Variants in STAT2 observed in about 807,000 individuals in gnomAD.
The protein encoded by STAT2 is interferon alpha induced transcriptional activator.
Under a neutral mutation model 122.3 loss-of-function variants are expected in STAT2, and 51 were observed. The ratio of observed to expected loss-of-function variants is 0.42; its 90% CI spans 0.33 to 0.53. The LOEUF (loss-of-function observed/expected upper bound fraction) is 0.53, where lower values mean the gene tolerates loss of function less well. Ranked by LOEUF, STAT2 falls within the 20% of genes least tolerant of loss-of-function variation. STAT2 has a pLI of 0.10. For synonymous variants in STAT2, 351 were observed against 394.9 expected (o/e 0.89, Z 1.32); for missense variants, 736 against 1,010.3 (o/e 0.73, Z 3.68).
chr12:56,349,920 G>A, intron 13 of STAT2, 177 bp downstream of exon 13: 2 of 664,898 alleles, frequency 3.0e-6, no homozygotes, highest in Non-Finnish European at 5.2e-6. Context: ...ATGGTGGTGT[G>A]TGCCTATAGT....
rs1324271869 is a variant in STAT2 at position 56,350,849 on chromosome 12, A to G, written c.1074T>C (p.Thr358=). Reference sequence around the variant, plus strand: ...TTTACCTGTCAATGGAGACTTCCACAGTCAGTGACTCATTGCCTTCCTGGA... The same window carrying G: ...TTTACCTGTCAATGGAGACTTCCACGGTCAGTGACTCATTGCCTTCCTGGA... ...VRLQEGNESL[T]VEVSIDRNPP... Residue 358 remains threonine, a synonymous_variant, in exon 11 of 24, where the codon ACT becomes ACC. Coordinates refer to ENST00000314128, the MANE Select transcript of STAT2 (RefSeq NM_005419.4). 5 of 1,614,128 alleles carry G rather than the reference A, an allele frequency of 3.1e-6. No homozygotes were observed. The highest frequency in any genetic ancestry group is 4.2e-6 in the Non-Finnish European group (5 of 1,180,034).
Position 56,356,065 on chromosome 12 carries a change from C to T in STAT2, c.285+67G>A. 4 of 1,571,258 alleles carry T rather than the reference C, an allele frequency of 2.5e-6. No individual in the cohort carries two copies. In the South Asian group the frequency reaches 4.8e-5, roughly 19 times the overall value. ...TTCCACCTCCAGGTACTATTCTATT[C>T]TCCAAACCTTACTCCTCTATGCTCA... is the stretch of plus-strand genomic sequence containing the variant. On this transcript the variant is annotated intron_variant, in intron 3 of 23. Transcript: ENST00000314128.
intron 1 of STAT2, 28 bp from the exon 2 acceptor site, chr12:56,356,606 T>C (rs370681783): frequency 9.3e-6 from 15 of 1,610,660 alleles, no homozygotes; most frequent in Middle Eastern, 3.3e-4. Flanking sequence ...GGGTTCCCAA[T>C]TGGATATTTT....
chr12:56,359,766 TA>T (rs1565663458), intron 1 of STAT2, among the ~76,000 whole-genome samples: 1 of 152,138 alleles, frequency 6.6e-6, no homozygotes, highest in East Asian at 1.9e-4. Context: ...TTGGTGAAGA[TA>T]AAAAATAATG....
chr12:56,350,372 C>G (rs1364377954), intron 12 of STAT2, 40 bp downstream of exon 12: 1 of 1,587,714 alleles, frequency 6.3e-7, no homozygotes, highest in Admixed American at 1.8e-5. Context: ...GCAGGTCATA[C>G]ACTGTACAGA....
intron 21 of STAT2, 81 bp from the exon 22 acceptor site, chr12:56,346,284 T>C: frequency 4.4e-6 from 7 of 1,582,312 alleles, no homozygotes; most frequent in Non-Finnish European, 6.1e-6. Context: ...CAGATGGTCC[T>C]GGCAGTCTCA....
At chr12:56,347,297 T>C (rs1304730507) in intron 19 of STAT2, among the ~76,000 whole-genome samples, 1 of 151,336 alleles carries the variant, frequency 6.6e-6, no homozygotes, top group Admixed American at 6.6e-5. Flanking sequence ...CAAGCAATCT[T>C]CCCACCTCTC....
At position 56,348,924 on chromosome 12, in the gene STAT2, C is replaced by G. The variant is rs571666221; in HGVS notation, c.1576G>C (p.Gly526Arg). The G allele has an allele frequency of 6.2e-7, 1 of 1,613,168 alleles. No homozygotes were observed. Among genetic ancestry groups the G allele is most frequent in the Non-Finnish European group, 8.5e-7 (1 of 1,179,504 alleles). ...QLSMLRNKLF[G>R]QNCRTEDPLL... ...GGCTGAGAGAAAAGGAAATCTGTAC[C>G]GAACAGCTTGTTTCTCAGCATGCTC... Residue 526 changes from glycine (G) to arginine (R), a missense_variant and splice_region_variant, in exon 17 of 24, where the codon GGG becomes CGG. Gly to Arg is a moderately radical substitution (Grantham distance 125). Transcript: ENST00000314128.
chr12:56,355,023 T>C (rs1421935674), intron 6 of STAT2, 160 bp from the exon 7 acceptor site: 2 of 776,620 alleles, frequency 2.6e-6, no homozygotes, highest in African/African-American at 3.5e-5. Flanking sequence ...TGAATGGTCA[T>C]GCTTGGACCA....
rs138136918 is a variant in STAT2, at chr12:56,346,917, C to T, written c.1763G>A (p.Arg588Gln). The T allele has an allele frequency of 2.5e-5, 41 of 1,614,058 alleles. No individual in the cohort carries two copies. Among genetic ancestry groups the T allele is most frequent in the African/African-American group, 4.0e-5 (3 of 74,934 alleles). ...MGFVSRSQER[R>Q]LLKKTMSGTF... ...GCCAGACATGGTCTTCTTCAGCAGC[C>T]GGCGCTCCTGGCTCCGACTCACAAA... The change falls in exon 20 of 24, where the codon CGG becomes CAG. Residue 588 changes from arginine (R) to glutamine (Q), a missense_variant. Coordinates refer to ENST00000314128, the MANE Select transcript of STAT2 (RefSeq NM_005419.4).
At chr12:56,349,121 C>A (rs767648152) in intron 16 of STAT2, 42 bp downstream of exon 16, 1 of 1,613,998 alleles carries the variant, frequency 6.2e-7, no homozygotes, top group African/African-American at 1.3e-5. Context: ...AGCTTCCACA[C>A]CCCTCCTCTC....
chr12:56,356,425 T>A lies in STAT2; in HGVS notation c.131+16A>T. On this transcript the variant is annotated intron_variant, in intron 2 of 23. Coordinates refer to ENST00000314128, the MANE Select transcript of STAT2 (RefSeq NM_005419.4). ...GAACCACCTTTTTCATTCCCCCAAC[T>A]TCCTGAAGGCCTCACCAGTTCTGGT... is the stretch of plus-strand genomic sequence containing the variant. The A allele has an allele frequency of 6.2e-7, 1 of 1,612,148 alleles. No individual in the cohort carries two copies. The highest frequency in any genetic ancestry group is 8.5e-7 in the Non-Finnish European group (1 of 1,179,058).
chr12:56,346,150 T>G lies in STAT2; in HGVS notation c.2098A>C (p.Asn700His). 6.2e-7 allele frequency: 1 copy of G among 1,614,180 alleles called. No homozygotes were observed. Among genetic ancestry groups the G allele is most frequent in the Non-Finnish European group, 8.5e-7 (1 of 1,180,022 alleles). The change falls in exon 22 of 24, where the codon AAT becomes CAT. Residue 700 changes from asparagine to histidine, a missense_variant. By Grantham distance (68) the Asn-to-His change is moderately conservative. Coordinates refer to ENST00000314128, the MANE Select transcript of STAT2 (RefSeq NM_005419.4). ...YLKHRLIVVS[N>H]RQVDELQQPL... ...AATGAAGAGTTCATATCTCACCTAT[T>G]AGAGACCACAATGAGCCTGTGTTTC...
intron 8 of STAT2, among the ~76,000 whole-genome samples, chr12:56,353,825 C>T (rs1446593235): frequency 6.7e-6 from 1 of 150,016 alleles, no homozygotes; most frequent in African/African-American, 2.4e-5. Flanking sequence ...GAAACATCGT[C>T]TCTACTAAAA....
At chr12:56,354,368 A>G in intron 8 of STAT2, 98 bp downstream of exon 8, 1 of 1,559,698 alleles carries the variant, frequency 6.4e-7, no homozygotes, top group African/African-American at 1.4e-5. Flanking sequence ...TGGGGAGCAG[A>G]GACAAATAGA....
intron 5 of STAT2, 28 bp from the exon 6 acceptor site, chr12:56,355,379 G>T: frequency 6.2e-7 from 1 of 1,614,072 alleles, no homozygotes; most frequent in Non-Finnish European, 8.5e-7. Flanking sequence ...CCCCGATGAG[G>T]CTGCTTCTCA....
chr12:56,343,222 T>C lies in STAT2; in HGVS notation c.*167A>G. The C allele has an allele frequency of 2.3e-6, 2 of 851,260 alleles. No individual in the cohort carries two copies. The highest frequency in any genetic ancestry group is 3.6e-6 in the Non-Finnish European group (2 of 561,818). The allele number at this position is 851,260 out of a possible 1,614,324, so 52.7% of individuals were successfully genotyped here. ...TTCATTGTTGTCCCCTCTGTACCCA[T>C]GTTATGCTTTCACCTCTCACCCCAA... On this transcript the variant is annotated 3_prime_UTR_variant, in exon 24 of 24. Coordinates refer to ENST00000314128, the MANE Select transcript of STAT2 (RefSeq NM_005419.4).
At chr12:56,348,899 G>A (rs1565651520) in intron 17 of STAT2, 25 bp downstream of exon 17, 1 of 1,613,162 alleles carries the variant, frequency 6.2e-7, no homozygotes, top group Non-Finnish European at 8.5e-7. Context: ...GCTGGGGAAA[G>A]GCTGAGAGAA....
At position 56,350,938 on chromosome 12, in the gene STAT2, G is replaced by T. The variant is rs771263635; in HGVS notation, c.1035-50C>A. ...GAAAGTGGTCAACCTCAACCTTCCG[G>T]ATAGACTAGATGTTTGAAAAAGAGA... On this transcript the variant is annotated intron_variant, in intron 10 of 23. Transcript: ENST00000314128. 4 of 1,603,174 alleles carry T rather than the reference G, an allele frequency of 2.5e-6. No homozygotes were observed. In the South Asian group the frequency reaches 3.3e-5, roughly 13 times the overall value.
Sources: gnomAD v4.1 joint callset for allele counts (sites outside exome capture counted in the v4.1 genomes callset) on GRCh38, gnomAD v4.1.1 for gene constraint, MANE v1.5 for transcripts, NCBI Gene and HGNC (gene_info 2026-07-23, HGNC 2026-07-21) for gene names.